The following STPG2 variants were observed in gnomAD, a reference collection of about 807,000 sequenced individuals.
The protein encoded by STPG2 is sperm tail PG-rich repeat containing 2, also known as sperm-tail PG-rich repeat-containing protein 2.
STPG2 carries 56 observed loss-of-function variants against 54.2 expected under a neutral mutation model. The observed-to-expected ratio is 1.03, with a 90% CI of 0.83 to 1.29. The LOEUF is 1.29. Among genes scored for constraint, STPG2 ranks in the 50% most tolerant of loss-of-function variants. STPG2 has a pLI of 0.00. For missense variants in STPG2, 596 were observed against 544.9 expected (o/e 1.09, Z -0.93); for synonymous variants, 200 against 181.8 (o/e 1.10, Z -0.81).
chr4:97,670,033 TA>T (rs1158406848), intron 10 of STPG2, among the ~76,000 whole-genome samples: 5 of 152,034 alleles, frequency 3.3e-5, no homozygotes, highest in African/African-American at 1.2e-4. Context: ...CTAACAAAGG[TA>T]AAAAGGTATC....
chr4:97,698,392 C>G (rs1266348712), intron 10 of STPG2, among the ~76,000 whole-genome samples: 1 of 152,136 alleles, frequency 6.6e-6, no homozygotes, highest in Non-Finnish European at 1.5e-5. Flanking sequence ...ATCAGTAACT[C>G]CAGCGAACAC....
At chr4:97,544,181 C>T (rs1731782667) in intron 4 of STPG2, among the ~76,000 whole-genome samples, 1 of 151,882 alleles carries the variant, frequency 6.6e-6, no homozygotes. Flanking sequence ...GATACAATTC[C>T]AGTTAATTAC....
At chr4:98,079,585 T>C (rs1738279071) in intron 5 of STPG2, among the ~76,000 whole-genome samples, 1 of 152,210 alleles carries the variant, frequency 6.6e-6, no homozygotes, top group African/African-American at 2.4e-5. Flanking sequence ...CTTCTCTTTA[T>C]TAATTCTTAA....
chr4:97,999,921 T>C (rs922039240), intron 5 of STPG2, among the ~76,000 whole-genome samples: 3 of 152,128 alleles, frequency 2.0e-5, no homozygotes, highest in Non-Finnish European at 4.4e-5. Context: ...GGCCATGAAA[T>C]TAAATGTGGT....
chr4:97,949,438 G>C (rs1733378188), intron 7 of STPG2, among the ~76,000 whole-genome samples: 1 of 152,036 alleles, frequency 6.6e-6, no homozygotes, highest in Admixed American at 6.6e-5. Flanking sequence ...TCAAGATACT[G>C]TTCCAATCAA....
intron 8 of STPG2, among the ~76,000 whole-genome samples, chr4:97,894,909 T>C (rs948697090): frequency 2.6e-5 from 4 of 151,880 alleles, no homozygotes; most frequent in Admixed American, 6.6e-5. Context: ...CAAAGAAAAA[T>C]ATTTAAAAAT....
Position 97,559,084 on chromosome 4 carries a change from C to G in STPG2, c.1354G>C (p.Gly452Arg). ...CACATTATATCAGCAGCCATTTCACCAATGAGATTTCCTTTCTTTTTCTCC... is the reference window on the plus strand; with the variant it reads ...CACATTATATCAGCAGCCATTTCACGAATGAGATTTCCTTTCTTTTTCTCC... ...SQEKKKGNLI[G>R]EMAADIM The change falls in exon 11 of 11, where the codon GGT becomes CGT. Residue 452 changes from glycine to arginine, a missense_variant. Coordinates refer to ENST00000295268, the MANE Select transcript of STPG2 (RefSeq NM_174952.3). 6.2e-7 allele frequency: 1 copy of G among 1,601,766 alleles called. No individual in the cohort carries two copies. The highest frequency in any genetic ancestry group is 8.5e-7 in the Non-Finnish European group (1 of 1,175,604).
intron 10 of STPG2, among the ~76,000 whole-genome samples, chr4:97,617,188 C>T (rs1295266467): frequency 2.0e-5 from 3 of 151,430 alleles, no homozygotes; most frequent in Non-Finnish European, 4.4e-5. Context: ...GCAAGGATTT[C>T]TGTCTGTTTT....
intron 8 of STPG2, among the ~76,000 whole-genome samples, chr4:97,920,099 C>T (rs577455212): frequency 6.6e-6 from 1 of 152,244 alleles, no homozygotes; most frequent in East Asian, 1.9e-4. Context: ...GCCAAAAACT[C>T]GATTATGGTG....
At chr4:97,749,012 G>T (rs1725501298) in intron 9 of STPG2, among the ~76,000 whole-genome samples, 1 of 151,478 alleles carries the variant, frequency 6.6e-6, no homozygotes, top group Non-Finnish European at 1.5e-5. Context: ...AATCCGTTTT[G>T]GGTGTCTGTT....
chr4:97,704,330 T>C (rs1012854542), intron 10 of STPG2, among the ~76,000 whole-genome samples: 5 of 152,174 alleles, frequency 3.3e-5, no homozygotes, highest in African/African-American at 1.2e-4. Flanking sequence ...CAAAGATCTT[T>C]CTCTATTCCG....
intron 10 of STPG2, among the ~76,000 whole-genome samples, chr4:97,580,193 T>G (rs1017747726): frequency 6.6e-6 from 1 of 151,986 alleles, no homozygotes; most frequent in Admixed American, 6.6e-5. Context: ...ATGAAGACAC[T>G]CATTGTCCGT....
intron 5 of STPG2, among the ~76,000 whole-genome samples, chr4:98,095,254 AAAGG>A (rs1183516061): frequency 6.6e-6 from 1 of 152,218 alleles, no homozygotes; most frequent in Admixed American, 6.5e-5. Context: ...AGGCATGAAA[AAAGG>A]AAGAGAAGAC....
intron 8 of STPG2, among the ~76,000 whole-genome samples, chr4:97,919,433 T>C (rs1303126329): frequency 7.0e-6 from 1 of 142,144 alleles, no homozygotes; most frequent in Non-Finnish European, 1.6e-5. Flanking sequence ...CTAGTAAGAC[T>C]TATTACAGAA....
intron 8 of STPG2, among the ~76,000 whole-genome samples, chr4:97,887,019 C>T (rs1000566674): frequency 1.3e-5 from 2 of 152,126 alleles, no homozygotes; most frequent in East Asian, 1.9e-4. Context: ...CTGAGGCCTC[C>T]GCAGGAGCAG....
At chr4:97,623,859 G>A (rs890880256) in intron 10 of STPG2, among the ~76,000 whole-genome samples, 3 of 151,864 alleles carry the variant, frequency 2.0e-5, no homozygotes, top group African/African-American at 7.3e-5. Context: ...TCATTGTTTG[G>A]CTCCCCCTTA....
intron 9 of STPG2, among the ~76,000 whole-genome samples, chr4:97,826,541 G>A (rs868430966): frequency 2.4e-4 from 36 of 152,232 alleles, no homozygotes; most frequent in African/African-American, 7.7e-4. Flanking sequence ...ATTGTAAAAG[G>A]TTATAAAAGG....
At chr4:98,013,648 T>A (rs1735831885) in intron 5 of STPG2, among the ~76,000 whole-genome samples, 1 of 146,604 alleles carries the variant, frequency 6.8e-6, no homozygotes, top group Admixed American at 6.9e-5. Context: ...ATTTCAGAAC[T>A]TGTTATTGGT....
chr4:97,919,832 C>A lies in STPG2; in HGVS notation c.1044+24065G>T, dbSNP rs189848737. Among the ~76,000 whole-genome samples the A allele has an allele frequency of 2.0e-4, 31 of 152,276 alleles. No individual in the cohort carries two copies. The East Asian group carries it at 2.3e-3, about 11-fold the overall frequency. On this transcript the variant is annotated intron_variant, in intron 8 of 10. Transcript: ENST00000295268. ...TAAGAACCCAGAATACCTTGACCCC[C>A]AAACCTATAAAAGGTCATTATAAGA...
Sources: allele counts gnomAD v4.1 joint callset (sites outside exome capture counted in the v4.1 genomes callset), GRCh38; gene constraint gnomAD v4.1.1; transcripts MANE v1.5; gene names NCBI Gene and HGNC (gene_info 2026-07-23, HGNC 2026-07-21).